The following TSPAN5 variants were observed in gnomAD, a reference collection of about 807,000 sequenced individuals.
TSPAN5 encodes the protein tetraspanin 5.
Under a neutral mutation model 37.1 loss-of-function variants are expected in TSPAN5, and 10 were observed. The ratio of observed to expected loss-of-function variants is 0.27; its 90% CI spans 0.17 to 0.46. The LOEUF is 0.46. Among genes scored for constraint, TSPAN5 ranks in the 20% least tolerant of loss-of-function variants. The pLI, the probability that TSPAN5 is intolerant of heterozygous loss-of-function variation, is 1.00. For missense variants in TSPAN5, 195 were observed against 326.6 expected (o/e 0.60, Z 3.11); for synonymous variants, 110 against 118.9 (o/e 0.93, Z 0.48).
At chr4:98,581,242 C>A (rs1755363364) in intron 1 of TSPAN5, among the ~76,000 whole-genome samples, 1 of 152,056 alleles carries the variant, frequency 6.6e-6, no homozygotes, top group African/African-American at 2.4e-5. Context: ...AGTGAAAAAG[C>A]CATTCTGAAC....
rs1237551299 is a variant in TSPAN5 at position 98,644,373 on chromosome 4, A to G, written c.81+13773T>C. On this transcript the variant is annotated intron_variant, in intron 1 of 7. Transcript: ENST00000305798. Reference sequence around the variant, plus strand: ...TTTTTTTCATTTGAAGTGTTTGTTCACTGTTCTCGGAGCACCTGACGAAGA... The same window carrying G: ...TTTTTTTCATTTGAAGTGTTTGTTCGCTGTTCTCGGAGCACCTGACGAAGA... Among the ~76,000 whole-genome samples, 6 of 152,248 alleles carry G rather than the reference A, an allele frequency of 3.9e-5. No individual in the cohort carries two copies. In the East Asian group the frequency reaches 5.8e-4, roughly 15 times the overall value.
chr4:98,615,540 C>T (rs1319280168), intron 1 of TSPAN5, among the ~76,000 whole-genome samples: 2 of 152,110 alleles, frequency 1.3e-5, no homozygotes, highest in African/African-American at 2.4e-5. Flanking sequence ...CGTTGATGGC[C>T]GGGCGCATGG....
At chr4:98,588,392 CAA>C (rs756536690) in intron 1 of TSPAN5, among the ~76,000 whole-genome samples, 6 of 134,332 alleles carry the variant, frequency 4.5e-5, no homozygotes, top group African/African-American at 8.2e-5. Flanking sequence ...AACTTCGGTT[CAA>C]AAAAAAAAAA....
At chr4:98,527,533 G>A (rs1441167371) in intron 1 of TSPAN5, among the ~76,000 whole-genome samples, 1 of 152,200 alleles carries the variant, frequency 6.6e-6, no homozygotes, top group African/African-American at 2.4e-5. Context: ...TGAAGCTAAT[G>A]ACTTATCATT....
intron 1 of TSPAN5, among the ~76,000 whole-genome samples, chr4:98,530,762 A>C (rs990153275): frequency 6.8e-6 from 1 of 147,400 alleles, no homozygotes; most frequent in Non-Finnish European, 1.5e-5. Flanking sequence ...CATATTTAGA[A>C]ACAGGATCTT....
intron 2 of TSPAN5, among the ~76,000 whole-genome samples, chr4:98,488,674 T>C (rs999025277): frequency 2.0e-5 from 3 of 152,146 alleles, no homozygotes; most frequent in South Asian, 4.1e-4. Context: ...GGGGAAAAGG[T>C]TGAAGGAAAA....
intron 1 of TSPAN5, among the ~76,000 whole-genome samples, chr4:98,528,889 A>G (rs2110126094): frequency 6.6e-6 from 1 of 152,316 alleles, no homozygotes; most frequent in South Asian, 2.1e-4. Context: ...TAGTATGACC[A>G]TACTGCAAAC....
intron 5 of TSPAN5, among the ~76,000 whole-genome samples, chr4:98,478,065 A>G (rs1293444968): frequency 6.6e-6 from 1 of 152,200 alleles, no homozygotes; most frequent in Non-Finnish European, 1.5e-5. Context: ...TTTATATTTT[A>G]TTCTTTTTTA....
At chr4:98,473,507 C>T (rs374865683) in intron 7 of TSPAN5, among the ~76,000 whole-genome samples, 393 of 147,762 alleles carry the variant, frequency 2.7e-3, no homozygotes, top group African/African-American at 7.9e-3. Flanking sequence ...GGCCGGACTG[C>T]GGACTGCAGT....
In TSPAN5 at chr4:98,649,446, G is replaced by T. The variant is rs193297180; in HGVS notation, c.81+8700C>A. Among the ~76,000 whole-genome samples the T allele has an allele frequency of 3.8e-3, 575 of 152,256 alleles. 3 individuals are homozygous for T. The highest frequency in any genetic ancestry group is 6.5e-3 in the Non-Finnish European group (441 of 68,020). On this transcript the variant is annotated intron_variant, in intron 1 of 7. Coordinates refer to ENST00000305798, the MANE Select transcript of TSPAN5 (RefSeq NM_005723.4). The stretch of plus-strand genomic sequence containing the variant: ...TGATTAGCATATAGCTTAGGGGGAT[G>T]GTTTAATAGAGTTCACTTGAAAAAG...
chr4:98,539,547 C>A (rs1754314125), intron 1 of TSPAN5, among the ~76,000 whole-genome samples: 1 of 152,158 alleles, frequency 6.6e-6, no homozygotes, highest in Non-Finnish European at 1.5e-5. Context: ...GACATTCATG[C>A]CTCAACATTG....
At chr4:98,647,838 T>C (rs1757101774) in intron 1 of TSPAN5, among the ~76,000 whole-genome samples, 2 of 150,846 alleles carry the variant, frequency 1.3e-5, no homozygotes. Context: ...TGGTTTTGTT[T>C]GGTTGGCTTT....
chr4:98,531,217 C>T (rs931606113), intron 1 of TSPAN5, among the ~76,000 whole-genome samples: 1 of 152,166 alleles, frequency 6.6e-6, no homozygotes, highest in African/African-American at 2.4e-5. Flanking sequence ...CTATCCCTCC[C>T]CTACCCCCTA....
intron 7 of TSPAN5, among the ~76,000 whole-genome samples, chr4:98,474,360 ATCT>A (rs918624316): frequency 6.6e-6 from 1 of 151,914 alleles, no homozygotes; most frequent in Non-Finnish European, 1.5e-5. Flanking sequence ...AGCTTATTTC[ATCT>A]TCTTTTTTGA....
intron 1 of TSPAN5, among the ~76,000 whole-genome samples, chr4:98,548,097 G>A (rs1037989813): frequency 6.6e-6 from 1 of 151,734 alleles, no homozygotes; most frequent in Non-Finnish European, 1.5e-5. Context: ...TAGGGGTGCA[G>A]AGATGCCCAG....
intron 4 of TSPAN5, 63 bp downstream of exon 4, chr4:98,481,942 G>T: frequency 5.2e-6 from 8 of 1,550,892 alleles, no homozygotes; most frequent in Non-Finnish European, 7.1e-6. Context: ...CAGGAGGGAT[G>T]AAATTCACTG....
rs17027838 is a variant in TSPAN5 at position 98,605,418 on chromosome 4, C to T, written c.81+52728G>A. ...TTTGGTGGACAAAGTAACCAACACACGACCGGTCAGCTGAGAAGAGCAGAG... is the reference window on the plus strand; with the variant it reads ...TTTGGTGGACAAAGTAACCAACACATGACCGGTCAGCTGAGAAGAGCAGAG... On this transcript the variant is annotated intron_variant, in intron 1 of 7. Coordinates refer to ENST00000305798, the MANE Select transcript of TSPAN5 (RefSeq NM_005723.4). Among the ~76,000 whole-genome samples the T allele has an allele frequency of 8.2e-3, 1,255 of 152,252 alleles. 14 individuals carry two copies. Among genetic ancestry groups the T allele is most frequent in the African/African-American group, 0.029 (1,201 of 41,556 alleles).
At chr4:98,532,605 T>A (rs552579410) in intron 1 of TSPAN5, among the ~76,000 whole-genome samples, 1 of 100,824 alleles carries the variant, frequency 9.9e-6, no homozygotes, top group East Asian at 3.1e-4. Context: ...GACGATGGGG[T>A]TTTCTAAATA....
intron 1 of TSPAN5, among the ~76,000 whole-genome samples, chr4:98,631,286 T>G (rs986061356): frequency 1.3e-5 from 2 of 152,116 alleles, no homozygotes; most frequent in Non-Finnish European, 2.9e-5. Flanking sequence ...ACATTCACAC[T>G]GAGAAGTGGC....
Sources: gnomAD v4.1 joint callset for allele counts (sites outside exome capture counted in the v4.1 genomes callset) on GRCh38, gnomAD v4.1.1 for gene constraint, MANE v1.5 for transcripts, NCBI Gene and HGNC (gene_info 2026-07-23, HGNC 2026-07-21) for gene names.